PTPRA: variants seen among roughly 807,000 people sequenced by gnomAD.
PTPRA encodes receptor-type tyrosine-protein phosphatase alpha.
PTPRA carries 25 observed loss-of-function variants against 104.8 expected under a neutral mutation model. The observed-to-expected ratio is 0.24, with a 90% CI of 0.17 to 0.33. The LOEUF is 0.33. PTPRA is among the 10% of genes least tolerant of loss of function. The pLI, the probability that PTPRA is intolerant of heterozygous loss-of-function variation, is 1.00. For synonymous variants in PTPRA, 323 were observed against 368.9 expected (o/e 0.88, Z 1.43); for missense variants, 765 against 1,015.3 (o/e 0.75, Z 3.35).
chr20:2,966,503 A>G (rs2061951782), intron 5 of PTPRA, among the ~76,000 whole-genome samples: 1 of 152,220 alleles, frequency 6.6e-6, no homozygotes, highest in African/African-American at 2.4e-5. Flanking sequence ...CCAGTAAAAT[A>G]TATGAAGGTA....
intron 1 of PTPRA, among the ~76,000 whole-genome samples, chr20:2,922,923 C>T (rs1329186545): frequency 6.6e-6 from 1 of 152,172 alleles, no homozygotes; most frequent in East Asian, 1.9e-4. Context: ...GCATGAGCCA[C>T]CGCTCCTGGC....
chr20:2,986,856 C>A lies in PTPRA; in HGVS notation c.527+7C>A. 6.3e-7 allele frequency: 1 copy of A among 1,590,494 alleles called. No individual in the cohort carries two copies. The highest frequency in any genetic ancestry group is 8.6e-7 in the Non-Finnish European group (1 of 1,158,564). On this transcript the variant is annotated splice_region_variant and intron_variant, in intron 7 of 23. Transcript: ENST00000399903. ...TAGTTTTGTACATGTTAAGGTGAGC[C>A]TACTAACACTTCACATTCTCTTAGA...
intron 1 of PTPRA, among the ~76,000 whole-genome samples, chr20:2,907,588 C>T (rs2059473000): frequency 6.6e-6 from 1 of 152,158 alleles, no homozygotes; most frequent in African/African-American, 2.4e-5. Flanking sequence ...ATATTTTTAC[C>T]ATTATCAATG....
chr20:2,934,753 C>G (rs1182174159), intron 2 of PTPRA, among the ~76,000 whole-genome samples: 2 of 149,064 alleles, frequency 1.3e-5, no homozygotes, highest in African/African-American at 5.0e-5. Context: ...CACACTGCAA[C>G]CTCTGACTCC....
chr20:2,923,668 A>G (rs1396167646), intron 2 of PTPRA, among the ~76,000 whole-genome samples: 1 of 152,034 alleles, frequency 6.6e-6, no homozygotes, highest in Non-Finnish European at 1.5e-5. Flanking sequence ...ATGTGGTGGC[A>G]TGTGCCTGTA....
At chr20:2,992,556 TGGG>T (rs1263696883) in intron 9 of PTPRA, among the ~76,000 whole-genome samples, 2 of 152,010 alleles carry the variant, frequency 1.3e-5, no homozygotes, top group African/African-American at 4.8e-5. Flanking sequence ...TAGTTTACGA[TGGG>T]GAGTTGAAGT....
intron 9 of PTPRA, among the ~76,000 whole-genome samples, chr20:2,998,786 A>G (rs1459417981): frequency 1.3e-5 from 2 of 152,132 alleles, no homozygotes; most frequent in African/African-American, 4.8e-5. Context: ...AGAAAGGTAT[A>G]AGGATTGCAA....
upstream of PTPRA, among the ~76,000 whole-genome samples, chr20:2,870,563 T>G (rs376454636): frequency 8.5e-5 from 13 of 152,340 alleles, no homozygotes; most frequent in South Asian, 2.5e-3. Context: ...GCCTCTTCTG[T>G]CCTCTTCTGT....
rs1011268617 is a variant in PTPRA, at chr20:2,873,679, A to C, written c.-210A>C. 1.3e-5 allele frequency: 2 copies of C among 150,658 alleles called. No homozygotes were observed. The highest frequency in any genetic ancestry group is 4.9e-5 in the African/African-American group (2 of 41,234). The allele number at this position is 150,658 out of a possible 1,614,324, so 9.3% of individuals were successfully genotyped here. Reference sequence around the variant, plus strand: ...GGGCCGGGCGGCGGCCCTGAGGGCTAGTGGCGGCCCGAAACGCCGCCGCGG... The same window carrying C: ...GGGCCGGGCGGCGGCCCTGAGGGCTCGTGGCGGCCCGAAACGCCGCCGCGG... On this transcript the variant is annotated 5_prime_UTR_variant, in exon 1 of 24. Coordinates refer to ENST00000399903, the MANE Select transcript of PTPRA (RefSeq NM_001385305.1). This position sits in a 1 kb window ranked among gnomAD's most constrained non-coding sequence, Gnocchi z 4.4.
intron 1 of PTPRA, among the ~76,000 whole-genome samples, chr20:2,909,803 TATATA>T (rs1290281092): frequency 6.6e-4 from 88 of 132,852 alleles, no homozygotes; most frequent in South Asian, 1.4e-3. Context: ...TTAGATAATA[TATATA>T]ATATAAGATA....
At chr20:2,909,805 T>C (rs2036473288) in intron 1 of PTPRA, among the ~76,000 whole-genome samples, 1 of 135,550 alleles carries the variant, frequency 7.4e-6, no homozygotes, top group Non-Finnish European at 1.5e-5. Context: ...AGATAATATA[T>C]ATAATATAAG....
intron 1 of PTPRA, among the ~76,000 whole-genome samples, chr20:2,896,357 C>T (rs1228353507): frequency 6.6e-6 from 1 of 152,162 alleles, no homozygotes; most frequent in Non-Finnish European, 1.5e-5. Context: ...CCAGCCTGTG[C>T]AACAGAGGGA....
At chr20:2,889,006 T>C (rs1331299107) in intron 1 of PTPRA, among the ~76,000 whole-genome samples, 1 of 152,200 alleles carries the variant, frequency 6.6e-6, no homozygotes, top group Non-Finnish European at 1.5e-5. Context: ...TTGTACTTGG[T>C]AAGTTTTCAA....
In PTPRA at chr20:2,967,479, G is replaced by T. The variant is rs371752117; in HGVS notation, c.415+2277G>T. ...TTATTGTAATTATGAAATATTCATT[G>T]CTGAGCTATAAGTATAAATGGATTG... On this transcript the variant is annotated intron_variant, in intron 5 of 23. Transcript: ENST00000399903. Among the ~76,000 whole-genome samples the T allele has an allele frequency of 6.6e-5, 10 of 152,236 alleles. No homozygotes were observed. In the East Asian group the frequency reaches 1.9e-3, roughly 29 times the overall value.
At chr20:2,987,635 A>C (rs551104542) in intron 7 of PTPRA, among the ~76,000 whole-genome samples, 9 of 152,244 alleles carry the variant, frequency 5.9e-5, no homozygotes, top group Non-Finnish European at 8.8e-5. Flanking sequence ...ACCCAATCCA[A>C]AGCTCTGGGC....
chr20:2,865,532 A>C, the PTPRA span: 1 of 1,594,032 alleles, frequency 6.3e-7, no homozygotes. This position sits in a 1 kb window ranked among gnomAD's most constrained non-coding sequence, Gnocchi z 5.2. Flanking sequence ...ACTTCCAGTG[A>C]GGGTAGTCTT....
In PTPRA at chr20:3,035,811, C is replaced by T. The variant is rs768705459; in HGVS notation, c.2068C>T (p.Arg690Trp). Residue 690 changes from arginine (R) to tryptophan (W), a missense_variant, in exon 22 of 24, where the codon CGG becomes TGG. This residue lies in a region of PTPRA where 192 missense variants were observed against 227.0 expected (regional missense o/e 0.85). Transcript: ENST00000399903. The surrounding 1 kb of genome is among the most constrained non-coding windows in gnomAD (Gnocchi z 5.8). ...NTRENKSRQI[R>W]QFHFHGWPEV... ...AAAGGAGAATAAGAGCCGGCAGATC[C>T]GGCAGTTCCACTTCCATGGCTGGCC... 5 of 1,614,178 alleles carry T rather than the reference C, an allele frequency of 3.1e-6. No individual in the cohort carries two copies. Among genetic ancestry groups the T allele is most frequent in the Non-Finnish European group, 4.2e-6 (5 of 1,180,034 alleles).
chr20:2,872,202 G>C (rs1324816219), upstream of PTPRA, among the ~76,000 whole-genome samples: 1 of 152,042 alleles, frequency 6.6e-6, no homozygotes, highest in Non-Finnish European at 1.5e-5. The surrounding 1 kb of genome is among the most constrained non-coding windows in gnomAD (Gnocchi z 7.9). Flanking sequence ...CGGTGGTGGG[G>C]ACCGGAGATG....
chr20:2,901,290 A>G (rs1443171712), intron 1 of PTPRA, among the ~76,000 whole-genome samples: 3 of 152,150 alleles, frequency 2.0e-5, no homozygotes, highest in East Asian at 1.9e-4. Context: ...CTTGAGGAGA[A>G]TTACAGTCTG....
Sources: gnomAD v4.1 joint callset for allele counts (sites outside exome capture counted in the v4.1 genomes callset) on GRCh38, gnomAD v4.1.1 for gene constraint, gnomAD v4.1.1 regional missense constraint, Gnocchi (gnomAD v3.1) non-coding constraint, MANE v1.5 for transcripts, NCBI Gene and HGNC (gene_info 2026-07-23, HGNC 2026-07-21) for gene names.